DLG2: variants seen among roughly 807,000 people sequenced by gnomAD.
The protein encoded by DLG2 is disks large homolog 2.
Under a neutral mutation model 132.5 loss-of-function variants are expected in DLG2, and 45 were observed. The ratio of observed to expected loss-of-function variants is 0.34; its 90% CI spans 0.27 to 0.44. DLG2 has a LOEUF of 0.44. Among genes scored for constraint, DLG2 ranks in the 20% least tolerant of loss-of-function variants. The probability of loss-of-function intolerance (pLI) is 1.00; values close to 1 mark genes in which losing one functional copy is unlikely to be tolerated. For missense variants in DLG2, 1,045 were observed against 1,196.9 expected (o/e 0.87, Z 1.87); for synonymous variants, 424 against 419.6 (o/e 1.01, Z -0.13).
At chr11:85,335,812 G>A (rs914550692) in intron 3 of DLG2, among the ~76,000 whole-genome samples, 1 of 152,040 alleles carries the variant, frequency 6.6e-6, no homozygotes, top group Non-Finnish European at 1.5e-5. Flanking sequence ...GGGGACTAGG[G>A]GAGGGATAGC....
At chr11:85,580,608 T>G (rs944991529) in intron 3 of DLG2, among the ~76,000 whole-genome samples, 1 of 152,214 alleles carries the variant, frequency 6.6e-6, no homozygotes, top group African/African-American at 2.4e-5. Flanking sequence ...AGGTGAATAC[T>G]TTTATTATCA....
At chr11:83,867,190 G>C (rs2062560861) in intron 16 of DLG2, among the ~76,000 whole-genome samples, 1 of 152,034 alleles carries the variant, frequency 6.6e-6, no homozygotes. Context: ...TACAAGTTTG[G>C]GGAGGTAGGA....
intron 15 of DLG2, among the ~76,000 whole-genome samples, chr11:83,875,791 C>T (rs539485956): frequency 1.3e-5 from 2 of 152,252 alleles, no homozygotes; most frequent in East Asian, 3.9e-4. Context: ...CACAGAGAAT[C>T]AAACTACAGG....
Position 84,115,394 on chromosome 11 carries a change from G to C in DLG2, c.625-16347C>G, listed in dbSNP as rs138793729. 1.7e-4 allele frequency among the ~76,000 whole-genome samples: 26 copies of C among 152,316 alleles called. No individual in the cohort carries two copies. The East Asian group carries it at 4.6e-3, about 27-fold the overall frequency. On this transcript the variant is annotated intron_variant, in intron 9 of 27. Transcript: ENST00000376104. The stretch of plus-strand genomic sequence containing the variant: ...AGACGGGAGGTGGAGGTAGGCAAAG[G>C]CTGGATTGTGTGCACTCCATTCCCC...
At chr11:84,828,395 T>C (rs1368743915) in intron 6 of DLG2, among the ~76,000 whole-genome samples, 2 of 151,826 alleles carry the variant, frequency 1.3e-5, no homozygotes, top group Non-Finnish European at 2.9e-5. Flanking sequence ...TTTCACTTTA[T>C]TCAAGGACTA....
chr11:85,193,774 G>T (rs636866), intron 4 of DLG2, among the ~76,000 whole-genome samples: 19,332 of 152,090 alleles, frequency 0.13, 1,665 homozygotes, highest in East Asian at 0.31. Flanking sequence ...CTGAATACTT[G>T]ACCCTTTCAA....
intron 6 of DLG2, among the ~76,000 whole-genome samples, chr11:85,015,163 GC>G (rs2059469402): frequency 6.6e-6 from 1 of 152,086 alleles, no homozygotes; most frequent in African/African-American, 2.4e-5. Flanking sequence ...AATTGATGTG[GC>G]TTTTCAAACT....
chr11:85,243,998 G>GA (rs1346040954), intron 4 of DLG2, among the ~76,000 whole-genome samples: 1 of 151,898 alleles, frequency 6.6e-6, no homozygotes, highest in African/African-American at 2.4e-5. Flanking sequence ...AAGTTTCAAT[G>GA]AAAAAAATAT....
At chr11:84,047,832 G>A (rs1394067475) in intron 11 of DLG2, among the ~76,000 whole-genome samples, 1 of 151,560 alleles carries the variant, frequency 6.6e-6, no homozygotes, top group South Asian at 2.1e-4. Context: ...TTTCCAAAAA[G>A]ATTTAGCAAA....
chr11:85,256,589 C>T (rs2076676680), intron 4 of DLG2, among the ~76,000 whole-genome samples: 1 of 152,164 alleles, frequency 6.6e-6, no homozygotes, highest in South Asian at 2.1e-4. Context: ...CCCCTAGACA[C>T]TACCATGGGG....
intron 9 of DLG2, among the ~76,000 whole-genome samples, chr11:84,135,670 G>A (rs1028557338): frequency 4.6e-5 from 7 of 152,120 alleles, no homozygotes; most frequent in South Asian, 2.1e-4. Context: ...ACGTCATGCC[G>A]TGTGGTTGGA....
At chr11:83,990,233 A>C (rs1326696130) in intron 11 of DLG2, among the ~76,000 whole-genome samples, 2 of 152,150 alleles carry the variant, frequency 1.3e-5, no homozygotes, top group African/African-American at 4.8e-5. Context: ...TGCTCAAGTA[A>C]TTAAAAATGA....
intron 7 of DLG2, among the ~76,000 whole-genome samples, chr11:84,418,153 T>C (rs894157409): frequency 2.0e-5 from 3 of 152,220 alleles, no homozygotes; most frequent in Non-Finnish European, 2.9e-5. Flanking sequence ...CATATGGTGC[T>C]ACCATACGGC....
intron 18 of DLG2, among the ~76,000 whole-genome samples, chr11:83,673,486 C>A (rs1206054955): frequency 6.6e-6 from 1 of 152,178 alleles, no homozygotes; most frequent in Non-Finnish European, 1.5e-5. Context: ...AGTGGGGCAA[C>A]TGAAGCAAGC....
intron 3 of DLG2, among the ~76,000 whole-genome samples, chr11:85,302,379 C>T (rs889703323): frequency 6.6e-6 from 1 of 152,062 alleles, no homozygotes; most frequent in African/African-American, 2.4e-5. Context: ...TTTTTCTATG[C>T]TTCTCATACT....
At chr11:83,463,386 A>G (rs1049316417) in intron 26 of DLG2, among the ~76,000 whole-genome samples, 2 of 152,206 alleles carry the variant, frequency 1.3e-5, no homozygotes, top group Non-Finnish European at 2.9e-5. Flanking sequence ...TCTTCCAAAC[A>G]GTCTCAGCTG....
intron 17 of DLG2, among the ~76,000 whole-genome samples, chr11:83,817,401 T>C (rs1373281744): frequency 6.6e-6 from 1 of 152,108 alleles, no homozygotes; most frequent in Non-Finnish European, 1.5e-5. Context: ...CAATGTCAGA[T>C]ATAGTTACAT....
At chr11:83,514,799 T>C (rs911423348) in intron 21 of DLG2, among the ~76,000 whole-genome samples, 22 of 152,220 alleles carry the variant, frequency 1.4e-4, no homozygotes, top group African/African-American at 5.1e-4. Flanking sequence ...ATGTGGTTTT[T>C]GTCATTGGTT....
At chr11:84,301,166 T>C (rs1226866789) in intron 7 of DLG2, among the ~76,000 whole-genome samples, 2 of 152,196 alleles carry the variant, frequency 1.3e-5, no homozygotes, top group African/African-American at 4.8e-5. Flanking sequence ...CTATTGTTTA[T>C]ATTAACTTAA....
Sources: allele counts gnomAD v4.1 joint callset (sites outside exome capture counted in the v4.1 genomes callset), GRCh38; gene constraint gnomAD v4.1.1; transcripts MANE v1.5; gene names NCBI Gene and HGNC (gene_info 2026-07-23, HGNC 2026-07-21).